Variants in TPGS2 observed in about 807,000 individuals in gnomAD.
TPGS2 encodes the protein tubulin polyglutamylase complex subunit 2.
TPGS2 carries 26 observed loss-of-function variants against 31.1 expected under a neutral mutation model. The ratio of observed to expected loss-of-function variants is 0.84; its 90% CI spans 0.61 to 1.16. TPGS2 has a LOEUF of 1.16. TPGS2 is among the 50% of genes most tolerant of loss of function. The pLI is 0.00. For missense variants in TPGS2, 351 were observed against 363.8 expected, an observed-to-expected ratio of 0.96 and a Z score of 0.29; for synonymous variants, 130 against 136.6, an observed-to-expected ratio of 0.95 and a Z score of 0.34.
intron 3 of TPGS2, among the ~76,000 whole-genome samples, chr18:36,806,371 G>C (rs1023063692): frequency 6.6e-6 from 1 of 152,134 alleles, no homozygotes; most frequent in African/African-American, 2.4e-5. Context: ...CTGTTGCAAG[G>C]ATGTGGGCCA....
intron 1 of TPGS2, chr18:36,823,769 T>A (rs972655411): frequency 1.0e-6 from 1 of 966,848 alleles, no homozygotes; most frequent in African/African-American, 1.8e-5. Context: ...CAACAGCTTG[T>A]TTTAAAGGGC....
At position 36,806,938 on chromosome 18, in the gene TPGS2, G is replaced by C. The variant is rs1054351527; in HGVS notation, c.253+909C>G. ...GAAGGCTTTGGAAATCACCCAAACAGAACTCAGGTGTGTAGGTAGAAGGCC... is the reference window on the plus strand; with the variant it reads ...GAAGGCTTTGGAAATCACCCAAACACAACTCAGGTGTGTAGGTAGAAGGCC... On this transcript the variant is annotated intron_variant, in intron 3 of 6. Transcript: ENST00000334295. Among the ~76,000 whole-genome samples, 166 of 139,860 alleles carry C rather than the reference G, an allele frequency of 1.2e-3. 1 individual carries two copies. The highest frequency in any genetic ancestry group is 2.7e-4 in the Non-Finnish European group (18 of 66,130). The allele number at this position is 139,860 out of a possible 152,430, so 91.8% of individuals were successfully genotyped here.
chr18:36,787,602 T>C (rs1166189523), intron 6 of TPGS2, among the ~76,000 whole-genome samples: 2 of 152,246 alleles, frequency 1.3e-5, no homozygotes, highest in Non-Finnish European at 2.9e-5. Context: ...ACAGTTCTTG[T>C]AGCCATTTTA....
At chr18:36,818,686 G>C (rs1405967475) in intron 2 of TPGS2, 1 of 487,376 alleles carries the variant, frequency 2.1e-6, no homozygotes, top group Non-Finnish European at 3.7e-6. Context: ...GGAGAGTGGG[G>C]CTCAGGGGAA....
At chr18:36,801,299 A>G (rs965060043) in intron 4 of TPGS2, among the ~76,000 whole-genome samples, 1 of 152,184 alleles carries the variant, frequency 6.6e-6, no homozygotes, top group Non-Finnish European at 1.5e-5. Flanking sequence ...TTTGAAAGAT[A>G]TTTTAATGGG....
intron 3 of TPGS2, 89 bp downstream of exon 3, chr18:36,807,758 T>G (rs952699257): frequency 8.2e-7 from 1 of 1,216,672 alleles, no homozygotes; most frequent in South Asian, 1.4e-5. Context: ...CCATCCAGAT[T>G]CAAAGACTCA....
intron 1 of TPGS2, among the ~76,000 whole-genome samples, chr18:36,821,609 G>A (rs2045898446): frequency 6.6e-6 from 1 of 152,186 alleles, no homozygotes; most frequent in African/African-American, 2.4e-5. Flanking sequence ...GAAACTTATT[G>A]CTTAGTTAGA....
intron 6 of TPGS2, chr18:36,786,992 C>G: frequency 8.1e-7 from 1 of 1,234,374 alleles, no homozygotes; most frequent in Non-Finnish European, 1.0e-6. Flanking sequence ...CCTGCAGAGA[C>G]ACAGCTCCTC....
At chr18:36,791,613 C>T (rs1358267215), downstream of TPGS2, among the ~76,000 whole-genome samples, 7 of 152,190 alleles carry the variant, frequency 4.6e-5, no homozygotes, top group Non-Finnish European at 1.5e-5. Context: ...GCTAACCTTC[C>T]TGAATTCTCA....
At position 36,798,585 on chromosome 18, in the gene TPGS2, C is replaced by G; in HGVS notation, c.521G>C (p.Trp174Ser). 6.2e-7 allele frequency: 1 copy of G among 1,614,026 alleles called. No individual in the cohort carries two copies. Among genetic ancestry groups the G allele is most frequent in the East Asian group, 2.2e-5 (1 of 44,882 alleles). The change falls in exon 6 of 7, where the codon TGG (tryptophan) becomes TCG (serine). Residue 174 changes from tryptophan (W) to serine (S), a missense_variant. Transcript: ENST00000334295. ...CCAGTATAACGCTCTGTCCAGGAAC[C>G]AGATCTCAGTGTCTTCTGCTAATGC... is the stretch of plus-strand genomic sequence containing the variant. ...KPALAEDTEI[W>S]FLDRALYWHF... is the part of the protein sequence containing the mutation.
chr18:36,785,738 T>C (rs1282611554), intron 6 of TPGS2, among the ~76,000 whole-genome samples: 1 of 152,232 alleles, frequency 6.6e-6, no homozygotes, highest in Non-Finnish European at 1.5e-5. Flanking sequence ...CCAGAATGTT[T>C]TGTCATTTAA....
At chr18:36,812,173 T>C (rs1287532266) in intron 2 of TPGS2, among the ~76,000 whole-genome samples, 2 of 152,324 alleles carry the variant, frequency 1.3e-5, no homozygotes, top group Middle Eastern at 3.4e-3. Context: ...AAATATTTGG[T>C]CTCTGTCCCA....
chr18:36,822,130 G>C (rs879838328), intron 1 of TPGS2, among the ~76,000 whole-genome samples: 1 of 152,206 alleles, frequency 6.6e-6, no homozygotes, highest in Non-Finnish European at 1.5e-5. Context: ...ATCCTTCTAG[G>C]AGGCTGAAAT....
At chr18:36,783,115 A>C (rs116167182) in exon 7 of TPGS2, 39 of 398,564 alleles carry the variant, frequency 9.8e-5, no homozygotes, top group African/African-American at 7.8e-4. Flanking sequence ...AGATCCATCA[A>C]AAAGGCCTAA....
At chr18:36,803,232 C>T (rs2044926153) in intron 4 of TPGS2, among the ~76,000 whole-genome samples, 1 of 152,154 alleles carries the variant, frequency 6.6e-6, no homozygotes, top group South Asian at 2.1e-4. Context: ...TTCCTCCTGT[C>T]TCACTGAAAC....
downstream of TPGS2, among the ~76,000 whole-genome samples, chr18:36,791,466 C>T (rs373413769): frequency 6.6e-6 from 1 of 152,022 alleles, no homozygotes; most frequent in East Asian, 1.9e-4. Flanking sequence ...GGAGCTGGAC[C>T]TTGGGAGGAA....
downstream of TPGS2, among the ~76,000 whole-genome samples, chr18:36,782,370 T>A (rs1266470305): frequency 1.3e-5 from 2 of 152,146 alleles, no homozygotes; most frequent in African/African-American, 4.8e-5. Context: ...GAGAATAAGA[T>A]AGGGTGGTGA....
At chr18:36,800,462 G>T in intron 4 of TPGS2, 151 bp from the exon 5 acceptor site, 1 of 681,082 alleles carries the variant, frequency 1.5e-6, no homozygotes, top group Non-Finnish European at 2.5e-6. Context: ...TTCTGTATTT[G>T]AATTAAAGCC....
At chr18:36,820,173 G>C (rs1418436211) in intron 1 of TPGS2, among the ~76,000 whole-genome samples, 1 of 152,194 alleles carries the variant, frequency 6.6e-6, no homozygotes, top group Non-Finnish European at 1.5e-5. Context: ...TTCTAGTCTT[G>C]CTTTATACAT....
Sources: gnomAD v4.1 joint callset for allele counts (sites outside exome capture counted in the v4.1 genomes callset) on GRCh38, gnomAD v4.1.1 for gene constraint, MANE v1.5 for transcripts, NCBI Gene and HGNC (gene_info 2026-07-23, HGNC 2026-07-21) for gene names.